Variants in PLCB1 observed in about 807,000 individuals in gnomAD.
The protein encoded by PLCB1 is 1-phosphatidylinositol 4,5-bisphosphate phosphodiesterase beta-1.
A neutral mutation model predicts 161.8 loss-of-function variants in PLCB1; 46 were observed. The ratio of observed to expected loss-of-function variants is 0.28; its 90% CI spans 0.22 to 0.36. The LOEUF (loss-of-function observed/expected upper bound fraction) is 0.36, where lower values mean the gene tolerates loss of function less well. Ranked by LOEUF, PLCB1 falls within the 10% of genes least tolerant of loss-of-function variation. PLCB1 has a pLI of 1.00. For missense variants in PLCB1, 1,016 were observed against 1,472.5 expected, an observed-to-expected ratio of 0.69 and a Z score of 5.07; for synonymous variants, 517 against 503.7, an observed-to-expected ratio of 1.03 and a Z score of -0.35.
chr20:8,759,085 C>A (rs1981884648), intron 24 of PLCB1, among the ~76,000 whole-genome samples: 1 of 152,164 alleles, frequency 6.6e-6, no homozygotes, highest in Admixed American at 6.5e-5. Context: ...ATGGCAGTCC[C>A]ACAGTCTTTC....
chr20:8,685,007 A>G lies in PLCB1; in HGVS notation c.938A>G (p.Asp313Gly). The change falls in exon 10 of 32, where the codon GAT becomes GGT. Residue 313 changes from aspartate (D) to glycine (G), a missense_variant. Physicochemically the swap from Asp to Gly is moderately conservative, Grantham distance 94. Around this residue, in one of 10 missense-constraint regions of PLCB1, gnomAD observed 117 missense variants for 142.2 expected, o/e 0.82. Coordinates refer to ENST00000338037, the MANE Select transcript of PLCB1 (RefSeq NM_015192.4). ...ENGVVSPEKL[D>G]LNEDMSQPLS... is the part of the protein sequence containing the mutation. ...GGAGTCGTTTCACCTGAGAAACTGG[A>G]TTTGAATGAAGACATGTCTCAGCCC... The G allele has an allele frequency of 6.2e-7, 1 of 1,613,434 alleles. No individual in the cohort carries two copies. The highest frequency in any genetic ancestry group is 8.5e-7 in the Non-Finnish European group (1 of 1,179,352).
chr20:8,313,660 C>T (rs914194330), intron 2 of PLCB1, among the ~76,000 whole-genome samples: 6 of 152,316 alleles, frequency 3.9e-5, no homozygotes, highest in African/African-American at 1.4e-4. Flanking sequence ...AACTCACTAG[C>T]TAGAACCCCA....
intron 3 of PLCB1, among the ~76,000 whole-genome samples, chr20:8,418,215 C>CA (rs1486576671): frequency 2.2e-4 from 33 of 152,308 alleles, no homozygotes; most frequent in African/African-American, 6.3e-4. Flanking sequence ...GTAGATGCAA[C>CA]AGCAACAATC....
intron 3 of PLCB1, among the ~76,000 whole-genome samples, chr20:8,380,737 T>C (rs143811262): frequency 4.6e-5 from 7 of 152,288 alleles, no homozygotes; most frequent in Non-Finnish European, 1.0e-4. Context: ...ATGATTTGGC[T>C]CTCTGCTTGT....
chr20:8,606,557 AATT>A (rs887010157), intron 3 of PLCB1, among the ~76,000 whole-genome samples: 21 of 152,224 alleles, frequency 1.4e-4, no homozygotes, highest in African/African-American at 4.8e-4. Context: ...GTATGATTAC[AATT>A]ATTATTAGTG....
chr20:8,716,699 C>T (rs1979333129), intron 13 of PLCB1, among the ~76,000 whole-genome samples: 1 of 152,306 alleles, frequency 6.6e-6, no homozygotes, highest in Middle Eastern at 3.4e-3. Context: ...AATGGATTGG[C>T]AAAACAGGAC....
chr20:8,348,489 G>C (rs1986068979), intron 2 of PLCB1, among the ~76,000 whole-genome samples: 1 of 152,114 alleles, frequency 6.6e-6, no homozygotes, highest in South Asian at 2.1e-4. Flanking sequence ...TTCCCTCTTT[G>C]CTGCAGGCTG....
At chr20:8,198,951 GAC>G (rs139256873) in intron 2 of PLCB1, among the ~76,000 whole-genome samples, 39 of 149,240 alleles carry the variant, frequency 2.6e-4, no homozygotes, top group East Asian at 3.9e-4. Context: ...CAGACAGACA[GAC>G]ACACACACAC....
intron 3 of PLCB1, among the ~76,000 whole-genome samples, chr20:8,586,136 T>C (rs1986981506): frequency 6.6e-6 from 1 of 152,220 alleles, no homozygotes; most frequent in African/African-American, 2.4e-5. Context: ...GGTTCCATTA[T>C]CTGACTTTCG....
chr20:8,628,149 T>C (rs997137865), intron 3 of PLCB1, 145 bp from the exon 4 acceptor site: 6 of 651,840 alleles, frequency 9.2e-6, no homozygotes, highest in African/African-American at 7.3e-5. Flanking sequence ...ATTTGTGGAA[T>C]GGGAGCCTTA....
At chr20:8,553,605 T>C (rs1282019733) in intron 3 of PLCB1, among the ~76,000 whole-genome samples, 1 of 152,180 alleles carries the variant, frequency 6.6e-6, no homozygotes, top group Non-Finnish European at 1.5e-5. Context: ...CTGTAACTGC[T>C]GACAGCATTT....
chr20:8,172,627 G>A (rs2051744539), intron 2 of PLCB1, among the ~76,000 whole-genome samples: 1 of 152,200 alleles, frequency 6.6e-6, no homozygotes, highest in African/African-American at 2.4e-5. Flanking sequence ...CAGATGTGAT[G>A]TGATTGGACT....
At chr20:8,772,369 T>G (rs1273928705) in intron 26 of PLCB1, among the ~76,000 whole-genome samples, 1 of 152,228 alleles carries the variant, frequency 6.6e-6, no homozygotes, top group African/African-American at 2.4e-5. Context: ...GTGTTGCTCT[T>G]AAGAGCACAG....
At chr20:8,807,052 G>A (rs1490699039) in intron 31 of PLCB1, among the ~76,000 whole-genome samples, 1 of 152,170 alleles carries the variant, frequency 6.6e-6, no homozygotes, top group Non-Finnish European at 1.5e-5. Flanking sequence ...TCTCTTTGAA[G>A]ATCTTTAAAT....
At chr20:8,601,816 A>C (rs1987594808) in intron 3 of PLCB1, among the ~76,000 whole-genome samples, 2 of 152,216 alleles carry the variant, frequency 1.3e-5, no homozygotes. Flanking sequence ...TAGAGAGCCA[A>C]GTTTGCAATG....
chr20:8,469,287 T>TTA (rs377011735), intron 3 of PLCB1, among the ~76,000 whole-genome samples: 24 of 152,242 alleles, frequency 1.6e-4, no homozygotes, highest in African/African-American at 5.5e-4. Flanking sequence ...AATACTCAGA[T>TTA]TATATATAGG....
chr20:8,729,212 C>T (rs1232167479), intron 18 of PLCB1, 38 bp downstream of exon 18: 6 of 1,525,272 alleles, frequency 3.9e-6, no homozygotes, highest in Non-Finnish European at 5.3e-6. Context: ...TATGAACTCA[C>T]ATTGCCAAGT....
chr20:8,132,657 C>G lies in PLCB1; in HGVS notation c.6C>G (p.Ala2=), dbSNP rs752168839. The change falls in exon 1 of 32, where the codon GCC becomes GCG. Residue 2 remains alanine, a synonymous_variant. Transcript: ENST00000338037. The surrounding 1 kb of genome is among the most constrained non-coding windows in gnomAD (Gnocchi z 5.2). ...CGGAGCCCAGATGAGCCCAGATGGC[C>G]GGGGCTCAACCCGGAGTGCACGCCT... is the stretch of plus-strand genomic sequence containing the variant. The part of the protein sequence containing the change: M[A]GAQPGVHALQ... 11 of 1,610,446 alleles carry G rather than the reference C, an allele frequency of 6.8e-6. No individual in the cohort carries two copies. Among genetic ancestry groups the G allele is most frequent in the Non-Finnish European group, 9.3e-6 (11 of 1,178,252 alleles).
At chr20:8,737,235 A>T (rs1203506228) in intron 20 of PLCB1, 43 bp downstream of exon 20, 1 of 1,496,558 alleles carries the variant, frequency 6.7e-7, no homozygotes, top group Non-Finnish European at 9.2e-7. Flanking sequence ...TGCATTTTTC[A>T]GGTGTTTTAC....
Sources: gnomAD v4.1 joint callset for allele counts (sites outside exome capture counted in the v4.1 genomes callset) on GRCh38, gnomAD v4.1.1 for gene constraint, gnomAD v4.1.1 regional missense constraint, Gnocchi (gnomAD v3.1) non-coding constraint, MANE v1.5 for transcripts, NCBI Gene and HGNC (gene_info 2026-07-23, HGNC 2026-07-21) for gene names.